The following FBN1 variants were observed in gnomAD, a reference collection of about 807,000 sequenced individuals.
The protein encoded by FBN1 is fibrillin 1.
FBN1 carries 29 observed loss-of-function variants against 365.1 expected under a neutral mutation model. The observed-to-expected ratio is 0.08, with a 90% CI of 0.06 to 0.11. The LOEUF (loss-of-function observed/expected upper bound fraction) is 0.11. Ranked by LOEUF, FBN1 falls within the 10% of genes least tolerant of loss-of-function variation. The pLI, the probability that FBN1 is intolerant of heterozygous loss-of-function variation, is 1.00. For synonymous variants in FBN1, 1,210 were observed against 1,270.5 expected (o/e 0.95, Z 1.01); for missense variants, 2,476 against 3,703.2 (o/e 0.67, Z 8.60).
chr15:48,581,234 T>TA (rs1340673630), intron 6 of FBN1, among the ~76,000 whole-genome samples: 1 of 152,182 alleles, frequency 6.6e-6, no homozygotes, highest in Non-Finnish European at 1.5e-5. Flanking sequence ...TCAGAGGAGA[T>TA]AATTCTAAAT....
At chr15:48,432,789 T>A in intron 55 of FBN1, 77 bp downstream of exon 55, 1 of 1,571,484 alleles carries the variant, frequency 6.4e-7, no homozygotes, top group South Asian at 1.1e-5. Flanking sequence ...CTTCTCCTAC[T>A]AAGGGAAGCT....
intron 6 of FBN1, among the ~76,000 whole-genome samples, chr15:48,560,222 C>A (rs1197003343): frequency 6.6e-6 from 1 of 152,102 alleles, no homozygotes; most frequent in Non-Finnish European, 1.5e-5. Flanking sequence ...CACCTTAAAT[C>A]AATAAAGGAT....
chr15:48,578,457 T>A (rs2044365877), intron 6 of FBN1, among the ~76,000 whole-genome samples: 1 of 152,196 alleles, frequency 6.6e-6, no homozygotes, highest in African/African-American at 2.4e-5. Context: ...CCAAAGCGCA[T>A]CCTATAATTT....
In FBN1 at chr15:48,537,793, G is replaced by A. The variant is rs2044026856; in HGVS notation, c.554C>T (p.Pro185Leu). Reference protein sequence around the residue: ...PQCERDYRTGPCFTVISNQMC... With the variant: ...PQCERDYRTGLCFTVISNQMC... The stretch of plus-strand genomic sequence containing the variant: ...CTGGTTGCTGATCACAGTAAAACAT[G>A]GGCCTGTCCTGTAATCTGAAAATAA... The change falls in exon 7 of 66, where the codon CCA (proline) becomes CTA (leucine). Residue 185 changes from proline to leucine, a missense_variant. Coordinates refer to ENST00000316623, the MANE Select transcript of FBN1 (RefSeq NM_000138.5). 1.9e-6 allele frequency: 3 copies of A among 1,614,126 alleles called. No homozygotes were observed. The highest frequency in any genetic ancestry group is 2.2e-5 in the East Asian group (1 of 44,886).
rs148024160 is a variant in FBN1, at chr15:48,468,002, G to A, written c.4683C>T (p.Ser1561=). 8.2e-5 allele frequency: 132 copies of A among 1,614,136 alleles called. No individual in the cohort carries two copies. The African/African-American group carries it at 1.6e-3, about 20-fold the overall frequency. The change falls in exon 38 of 66, where the codon TCC becomes TCT. Residue 1561 remains serine (S), a synonymous_variant. Transcript: ENST00000316623. The stretch of plus-strand genomic sequence containing the variant: ...AGGCTTTACCCAGAGAACAGCAGCA[G>A]GAAGCTTTGGAAACACCAACTCCAA... The part of the protein sequence containing the change: ...NEIGVGVSKA[S]CCCSLGKAWG...
chr15:48,550,094 G>T (rs1044087563), intron 6 of FBN1, among the ~76,000 whole-genome samples: 1 of 152,202 alleles, frequency 6.6e-6, no homozygotes, highest in Non-Finnish European at 1.5e-5. Context: ...AGGCCTGCAC[G>T]CCAGTCTCAG....
intron 7 of FBN1, among the ~76,000 whole-genome samples, chr15:48,534,822 T>C (rs905401890): frequency 6.6e-6 from 1 of 152,160 alleles, no homozygotes; most frequent in Non-Finnish European, 1.5e-5. Context: ...GAGAGATTGT[T>C]AGGTGAGTGA....
rs192948648 is a variant in FBN1 at position 48,432,637 on chromosome 15, C to T, written c.6739+229G>A. ...GAAATACTGGCGTGTTGTGAGCATG[C>T]GATGCACAGTGAGACCTAATAAAGG... On this transcript the variant is annotated intron_variant, in intron 55 of 65. Transcript: ENST00000316623. 7.0e-4 allele frequency among the ~76,000 whole-genome samples: 106 copies of T among 152,180 alleles called. 1 individual carries two copies. The highest frequency in any genetic ancestry group is 2.2e-3 in the African/African-American group (92 of 41,538).
intron 6 of FBN1, among the ~76,000 whole-genome samples, chr15:48,590,455 CT>C (rs1597620835): frequency 6.6e-6 from 1 of 152,148 alleles, no homozygotes; most frequent in Non-Finnish European, 1.5e-5. Context: ...TGTTTATCAA[CT>C]GCTTAATGTA....
intron 2 of FBN1, chr15:48,644,327 C>G (rs533216349): frequency 2.0e-5 from 10 of 500,268 alleles, no homozygotes; most frequent in Non-Finnish European, 3.3e-5. Context: ...AACTCCTCCC[C>G]TTCTTCCCCA....
At chr15:48,517,382 A>C (rs969004439) in intron 10 of FBN1, among the ~76,000 whole-genome samples, 1 of 152,224 alleles carries the variant, frequency 6.6e-6, no homozygotes, top group Non-Finnish European at 1.5e-5. Flanking sequence ...TTCGTAAAAG[A>C]AAGCAATATC....
intron 6 of FBN1, among the ~76,000 whole-genome samples, chr15:48,563,655 T>G (rs775883004): frequency 2.6e-5 from 4 of 152,190 alleles, no homozygotes; most frequent in African/African-American, 4.8e-5. Context: ...GCGCTCCCCA[T>G]GTATTTGGTA....
chr15:48,598,549 T>G (rs1199933696), intron 5 of FBN1, among the ~76,000 whole-genome samples: 1 of 152,188 alleles, frequency 6.6e-6, no homozygotes, highest in Admixed American at 6.5e-5. Context: ...CACTCTCCTC[T>G]GCATTTAAGC....
At chr15:48,526,074 G>A (rs1238871911) in intron 9 of FBN1, 56 bp downstream of exon 9, 22 of 1,608,438 alleles carry the variant, frequency 1.4e-5, no homozygotes, top group Non-Finnish European at 1.9e-5. Flanking sequence ...TTAGAAAGTT[G>A]TTTGTTATGG....
intron 62 of FBN1, 135 bp from the exon 63 acceptor site, chr15:48,420,941 T>C: frequency 1.0e-6 from 1 of 957,662 alleles, no homozygotes. Flanking sequence ...ATCTCTCTTC[T>C]GGAACTGCTG....
intron 36 of FBN1, among the ~76,000 whole-genome samples, chr15:48,470,219 C>T (rs947835313): frequency 3.9e-5 from 6 of 152,008 alleles, no homozygotes; most frequent in African/African-American, 9.7e-5. Context: ...CTGGTGACCA[C>T]GAGCAGGGCA....
At chr15:48,538,584 C>T (rs1566922593) in intron 6 of FBN1, among the ~76,000 whole-genome samples, 1 of 146,134 alleles carries the variant, frequency 6.8e-6, no homozygotes, top group Non-Finnish European at 1.5e-5. Flanking sequence ...AGATCTGCCT[C>T]TTTTTTTTTT....
At chr15:48,590,360 A>C (rs1272638914) in intron 6 of FBN1, among the ~76,000 whole-genome samples, 2 of 152,204 alleles carry the variant, frequency 1.3e-5, no homozygotes, top group African/African-American at 4.8e-5. Context: ...CTATCTGATT[A>C]TTATATATTT....
At chr15:48,558,072 T>C (rs1048102702) in intron 6 of FBN1, among the ~76,000 whole-genome samples, 29 of 152,310 alleles carry the variant, frequency 1.9e-4, no homozygotes, top group African/African-American at 6.0e-4. Context: ...CCAAGTCCTC[T>C]CAGCCAGGCC....
Sources: allele counts gnomAD v4.1 joint callset (sites outside exome capture counted in the v4.1 genomes callset), GRCh38; gene constraint gnomAD v4.1.1; transcripts MANE v1.5; gene names NCBI Gene and HGNC (gene_info 2026-07-23, HGNC 2026-07-21).